The following NUMB variants were observed in gnomAD, a reference collection of about 807,000 sequenced individuals.
The protein encoded by NUMB is NUMB endocytic adaptor protein.
Under a neutral mutation model 59.7 loss-of-function variants are expected in NUMB, and 29 were observed. That is an observed-to-expected ratio of 0.49 (90% CI 0.36 to 0.66). The LOEUF is 0.66. Among genes scored for constraint, NUMB ranks in the 30% least tolerant of loss-of-function variants. The probability of loss-of-function intolerance (pLI) is 0.00; values close to 1 mark genes in which losing one functional copy is unlikely to be tolerated. For missense variants in NUMB, 723 were observed against 822.0 expected, an observed-to-expected ratio of 0.88 and a Z score of 1.47; for synonymous variants, 288 against 288.2, an observed-to-expected ratio of 1.00 and a Z score of 0.01.
At chr14:73,299,550 GTATCA>G (rs1227637417) in intron 6 of NUMB, among the ~76,000 whole-genome samples, 1 of 114,076 alleles carries the variant, frequency 8.8e-6, no homozygotes, top group Non-Finnish European at 1.8e-5. Flanking sequence ...TGTCATATAT[GTATCA>G]TATATGTCAT....
chr14:73,343,048 C>T (rs1410195169), intron 4 of NUMB, among the ~76,000 whole-genome samples: 1 of 150,978 alleles, frequency 6.6e-6, no homozygotes, highest in Non-Finnish European at 1.5e-5. Context: ...GCGGAGGCTT[C>T]AAACTCCTGG....
intron 1 of NUMB, among the ~76,000 whole-genome samples, chr14:73,429,872 G>A (rs1243962269): frequency 6.6e-6 from 1 of 151,654 alleles, no homozygotes; most frequent in Non-Finnish European, 1.5e-5. Flanking sequence ...GAAAACCTGG[G>A]AGGCAGAGGT....
At chr14:73,381,062 G>C (rs1895214082) in intron 2 of NUMB, among the ~76,000 whole-genome samples, 1 of 152,028 alleles carries the variant, frequency 6.6e-6, no homozygotes, top group African/African-American at 2.4e-5. Context: ...CACTTTTATT[G>C]TTAGTATTTA....
intron 5 of NUMB, among the ~76,000 whole-genome samples, chr14:73,320,151 A>G (rs1891324993): frequency 6.6e-6 from 1 of 152,090 alleles, no homozygotes; most frequent in Non-Finnish European, 1.5e-5. Flanking sequence ...GCAAAAAAAG[A>G]ATGGGGATGT....
chr14:73,445,386 A>AAACAAAAC (rs1883419550), intron 1 of NUMB, among the ~76,000 whole-genome samples: 1 of 147,150 alleles, frequency 6.8e-6, no homozygotes, highest in Non-Finnish European at 1.5e-5. Context: ...AAAAAAAAAA[A>AAACAAAAC]AAAAAAAAAA....
intron 1 of NUMB, among the ~76,000 whole-genome samples, chr14:73,443,889 G>T (rs1210079418): frequency 6.6e-6 from 1 of 151,662 alleles, no homozygotes; most frequent in African/African-American, 2.4e-5. Context: ...CAAGCAATCT[G>T]CCCTCCTCCA....
intron 3 of NUMB, among the ~76,000 whole-genome samples, chr14:73,356,397 C>T (rs1476270352): frequency 2.0e-5 from 3 of 152,170 alleles, no homozygotes; most frequent in African/African-American, 4.8e-5. Flanking sequence ...AATCCCAACA[C>T]TTTGGGAGGC....
At chr14:73,373,735 G>C (rs1308914941) in intron 2 of NUMB, among the ~76,000 whole-genome samples, 1 of 147,010 alleles carries the variant, frequency 6.8e-6, no homozygotes, top group Non-Finnish European at 1.5e-5. Context: ...TAAAGACAGG[G>C]TCTTACTCTG....
rs1348724807 is a variant in NUMB at position 73,350,042 on chromosome 14, C to CACAT, written c.126+5580_126+5583dup. Among the ~76,000 whole-genome samples the CACAT allele has an allele frequency of 1.6e-4, 24 of 145,730 alleles. No homozygotes were observed. The South Asian group carries it at 2.5e-3, about 15-fold the overall frequency. On this transcript the variant is annotated intron_variant, in intron 4 of 12. Transcript: ENST00000555238. ...CCTGGGCGAGAGTGAGGCTCTGTCT[C>CACAT]ACATACATACATACATATATACATA...
chr14:73,293,313 T>C (rs1202363362), intron 7 of NUMB, among the ~76,000 whole-genome samples: 3 of 152,108 alleles, frequency 2.0e-5, no homozygotes. Flanking sequence ...CTTGCTTTTT[T>C]ACATTATATA....
At position 73,275,507 on chromosome 14, in the gene NUMB, C is replaced by G. The variant is rs1386654776; in HGVS notation, c.*1071G>C. 3.3e-5 allele frequency: 5 copies of G among 152,134 alleles called. No individual in the cohort carries two copies. The highest frequency in any genetic ancestry group is 5.9e-5 in the Non-Finnish European group (4 of 68,004). The allele number at this position is 152,134 out of a possible 1,614,324, so 9.4% of individuals were successfully genotyped here. ...ACAAAACCCACCAAGACCCATATTA[C>G]AAACCAATATGGTAACCTGTGTTCC... is the stretch of plus-strand genomic sequence containing the variant. On this transcript the variant is annotated 3_prime_UTR_variant, in exon 13 of 13. Coordinates refer to ENST00000555238, the MANE Select transcript of NUMB (RefSeq NM_001005743.2).
chr14:73,334,348 T>C (rs2139957793), intron 4 of NUMB, among the ~76,000 whole-genome samples: 1 of 152,332 alleles, frequency 6.6e-6, no homozygotes, highest in East Asian at 1.9e-4. Flanking sequence ...TTTTTTGCAC[T>C]ATCTTTATTA....
chr14:73,411,658 T>C (rs1014724400), intron 1 of NUMB, among the ~76,000 whole-genome samples: 2 of 152,258 alleles, frequency 1.3e-5, no homozygotes, highest in African/African-American at 2.4e-5. Context: ...GCCTAATAAA[T>C]AGCAGGTATC....
At chr14:73,352,473 CACACATATATATATATATATATAT>C (rs1342550799) in intron 4 of NUMB, among the ~76,000 whole-genome samples, 297 of 20,448 alleles carry the variant, frequency 0.015, 47 homozygotes, top group South Asian at 0.041. Context: ...CACACACACA[CACACATATATATATATATATATAT>C]ATATATATAT....
intron 1 of NUMB, among the ~76,000 whole-genome samples, chr14:73,410,922 A>G (rs1350213262): frequency 6.6e-6 from 1 of 152,224 alleles, no homozygotes; most frequent in African/African-American, 2.4e-5. Context: ...AAAGCTCCCA[A>G]TTTTAATAGG....
chr14:73,443,703 T>G, intron 1 of NUMB, among the ~76,000 whole-genome samples: 1 of 151,544 alleles, frequency 6.6e-6, no homozygotes, highest in East Asian at 1.9e-4. Context: ...CAGGCTGGAG[T>G]GCAGTAGCGT....
At position 73,380,555 on chromosome 14, in the gene NUMB, C is replaced by T. The variant is rs138105123; in HGVS notation, c.-100-13574G>A. On this transcript the variant is annotated intron_variant, in intron 2 of 12. Transcript: ENST00000555238. The stretch of plus-strand genomic sequence containing the variant: ...CCAACTCTGAATGTAGTAACTCTTC[C>T]CTCTGAATCACCAATTTTTTTCATT... Among the ~76,000 whole-genome samples the T allele has an allele frequency of 1.6e-3, 240 of 151,992 alleles. 1 individual carries two copies. The highest frequency in any genetic ancestry group is 4.6e-3 in the South Asian group (22 of 4,810).
chr14:73,293,393 C>CTTTT (rs56116167), intron 7 of NUMB, among the ~76,000 whole-genome samples: 4 of 95,552 alleles, frequency 4.2e-5, no homozygotes, highest in Admixed American at 1.2e-4. Flanking sequence ...GTTTCTTTTT[C>CTTTT]TTTTTTTTTT....
At chr14:73,391,007 C>G (rs1358766261) in intron 2 of NUMB, among the ~76,000 whole-genome samples, 2 of 150,864 alleles carry the variant, frequency 1.3e-5, no homozygotes, top group East Asian at 3.9e-4. Context: ...ACTATAGGCC[C>G]TCAATATAAG....
Sources: gnomAD v4.1 joint callset for allele counts (sites outside exome capture counted in the v4.1 genomes callset) on GRCh38, gnomAD v4.1.1 for gene constraint, MANE v1.5 for transcripts, NCBI Gene and HGNC (gene_info 2026-07-23, HGNC 2026-07-21) for gene names.